ADAMTS17: variants seen among roughly 807,000 people sequenced by gnomAD.
The protein encoded by ADAMTS17 is ADAM metallopeptidase with thrombospondin type 1 motif 17, also known as A disintegrin and metalloproteinase with thrombospondin motifs 17.
In ADAMTS17, 113 loss-of-function variants were observed where a neutral mutation model predicts 141.5. That is an observed-to-expected ratio of 0.80 (90% confidence interval 0.69 to 0.93). The LOEUF is 0.93. ADAMTS17 is among the 40% of genes least tolerant of loss of function. The pLI, the probability that ADAMTS17 is intolerant of heterozygous loss-of-function variation, is 0.00. For missense variants in ADAMTS17, 1,659 were observed against 1,517.9 expected (o/e 1.09, Z -1.54); for synonymous variants, 768 against 630.6 (o/e 1.22, Z -3.27).
intron 15 of ADAMTS17, among the ~76,000 whole-genome samples, chr15:100,056,564 C>T (rs992306946): frequency 5.3e-5 from 8 of 152,114 alleles, no homozygotes; most frequent in Admixed American, 6.5e-5. Flanking sequence ...ATAGGGTTTG[C>T]GCTCCTATGA....
At chr15:100,326,148 G>A (rs542467521) in intron 3 of ADAMTS17, among the ~76,000 whole-genome samples, 45 of 151,956 alleles carry the variant, frequency 3.0e-4, no homozygotes, top group Non-Finnish European at 5.4e-4. Flanking sequence ...TTCTCTTTGC[G>A]GAATAATAAT....
intron 15 of ADAMTS17, among the ~76,000 whole-genome samples, chr15:100,077,960 A>G (rs2034492293): frequency 6.6e-6 from 1 of 152,260 alleles, no homozygotes; most frequent in Non-Finnish European, 1.5e-5. Flanking sequence ...TATGTTAGCA[A>G]TGAACAGTTG....
chr15:100,339,054 AAAC>A (rs1479757983), intron 2 of ADAMTS17: 25 of 985,450 alleles, frequency 2.5e-5, no homozygotes, highest in Non-Finnish European at 3.0e-5. Flanking sequence ...AAGGCAGACT[AAAC>A]AACAGAAGTG....
chr15:100,174,281 G>C (rs2040259905), intron 8 of ADAMTS17, among the ~76,000 whole-genome samples: 1 of 150,310 alleles, frequency 6.7e-6, no homozygotes, highest in African/African-American at 2.5e-5. Flanking sequence ...AATAGTGTTG[G>C]CAGATTCTGG....
intron 4 of ADAMTS17, among the ~76,000 whole-genome samples, chr15:100,265,799 C>T (rs1383766799): frequency 1.3e-5 from 2 of 152,236 alleles, no homozygotes; most frequent in African/African-American, 2.4e-5. Context: ...AGCACAGTGT[C>T]TGAGTGGGGT....
At position 100,162,697 on chromosome 15, in the gene ADAMTS17, T is replaced by C. The variant is rs547774864; in HGVS notation, c.1182-7377A>G. ...TATGCACATATACACATTATATGTG[T>C]ATATATATGCACATATACACATTAT... On this transcript the variant is annotated intron_variant, in intron 8 of 21. Coordinates refer to ENST00000268070, the MANE Select transcript of ADAMTS17 (RefSeq NM_139057.4). Among the ~76,000 whole-genome samples the C allele has an allele frequency of 9.7e-3, 1,169 of 120,532 alleles. 30 individuals carry two copies. Among genetic ancestry groups the C allele is most frequent in the Middle Eastern group, 0.024 (2 of 84 alleles). 79.1% of individuals were successfully genotyped at this position (120,532 alleles called of 152,430 possible). A position where few individuals can be genotyped will look rare whatever the true frequency, so the allele number is the denominator to read the frequency against.
intron 3 of ADAMTS17, among the ~76,000 whole-genome samples, chr15:100,292,105 CGTGGGG>C (rs1567496780): frequency 1.4e-4 from 21 of 150,532 alleles, no homozygotes; most frequent in African/African-American, 4.9e-4. Flanking sequence ...ACGCTCAGCC[CGTGGGG>C]AGTCACGAGA....
intron 4 of ADAMTS17, among the ~76,000 whole-genome samples, chr15:100,264,490 C>G (rs1238109813): frequency 2.6e-5 from 4 of 152,144 alleles, no homozygotes; most frequent in Admixed American, 2.6e-4. Context: ...CCTGTCACGC[C>G]AAGCCCAGTC....
At chr15:100,212,617 T>G (rs995032208) in intron 7 of ADAMTS17, among the ~76,000 whole-genome samples, 2 of 151,900 alleles carry the variant, frequency 1.3e-5, no homozygotes, top group African/African-American at 4.8e-5. Flanking sequence ...AAACCCTCTC[T>G]GATGAGCCAA....
chr15:100,249,782 C>G (rs562096332), intron 7 of ADAMTS17, among the ~76,000 whole-genome samples: 1 of 152,174 alleles, frequency 6.6e-6, no homozygotes, highest in Non-Finnish European at 1.5e-5. Flanking sequence ...AACCTCGCAG[C>G]GCCTCAGAGT....
At chr15:100,091,215 T>C (rs1189839129) in intron 15 of ADAMTS17, among the ~76,000 whole-genome samples, 1 of 151,638 alleles carries the variant, frequency 6.6e-6, no homozygotes, top group Non-Finnish European at 1.5e-5. Flanking sequence ...CAAAGCACCC[T>C]GGCGTCTCTC....
intron 12 of ADAMTS17, among the ~76,000 whole-genome samples, chr15:100,117,289 T>C (rs1488117806): frequency 6.6e-6 from 1 of 152,064 alleles, no homozygotes; most frequent in Admixed American, 6.5e-5. Context: ...GATCCACACA[T>C]TGCGTCCTTC....
At chr15:100,151,509 G>C (rs111893007) in intron 10 of ADAMTS17, among the ~76,000 whole-genome samples, 16 of 152,170 alleles carry the variant, frequency 1.1e-4, no homozygotes, top group African/African-American at 3.4e-4. Flanking sequence ...CTGCTCCCGA[G>C]TGCTTGCTCC....
At chr15:100,230,175 G>A (rs1218565639) in intron 7 of ADAMTS17, among the ~76,000 whole-genome samples, 2 of 152,158 alleles carry the variant, frequency 1.3e-5, no homozygotes, top group Non-Finnish European at 1.5e-5. Flanking sequence ...AACTTTCTCC[G>A]CAGTTTGGGC....
intron 18 of ADAMTS17, among the ~76,000 whole-genome samples, chr15:100,026,876 A>G (rs1471224630): frequency 6.6e-6 from 1 of 152,228 alleles, no homozygotes; most frequent in African/African-American, 2.4e-5. Context: ...AGACAAATAG[A>G]TTTCCAAAGT....
chr15:99,975,344 G>A (rs2060298976), intron 21 of ADAMTS17, among the ~76,000 whole-genome samples: 1 of 152,140 alleles, frequency 6.6e-6, no homozygotes, highest in African/African-American at 2.4e-5. Flanking sequence ...TGAGGCGTGG[G>A]GACTACAGGC....
At chr15:100,124,588 C>T (rs918311985) in intron 12 of ADAMTS17, among the ~76,000 whole-genome samples, 64 of 152,234 alleles carry the variant, frequency 4.2e-4, no homozygotes, top group African/African-American at 1.5e-3. Context: ...ACATGCGCGC[C>T]CCAGGGGCCA....
chr15:100,341,405 G>A lies in ADAMTS17; in HGVS notation c.84C>T (p.Val28=), dbSNP rs1351898820. The change falls in exon 2 of 22, where the codon GTC becomes GTT. Residue 28 remains valine (V), a synonymous_variant. Transcript: ENST00000268070. The stretch of plus-strand genomic sequence containing the variant: ...CCTCCACGTCGGCCGCCGCGTCGCC[G>A]ACAGCTGCGGGGAGAGAGGAGACGC... The part of the protein sequence containing the change: ...LVWGLDPGTA[V]GDAAADVEVV... 15 of 1,015,930 alleles carry A rather than the reference G, an allele frequency of 1.5e-5. No individual in the cohort carries two copies. In the African/African-American group the frequency reaches 1.7e-4, roughly 12 times the overall value. The allele number at this position is 1,015,930 out of a possible 1,614,324, so 62.9% of individuals were successfully genotyped here.
chr15:100,242,305 G>A (rs925041570), intron 7 of ADAMTS17, among the ~76,000 whole-genome samples: 1 of 152,186 alleles, frequency 6.6e-6, no homozygotes, highest in Non-Finnish European at 1.5e-5. Flanking sequence ...CTCTAAAGCG[G>A]TGATTTTAAT....
Sources: gnomAD v4.1 joint callset for allele counts (sites outside exome capture counted in the v4.1 genomes callset) on GRCh38, gnomAD v4.1.1 for gene constraint, MANE v1.5 for transcripts, NCBI Gene and HGNC (gene_info 2026-07-23, HGNC 2026-07-21) for gene names.